Variants in EDEM1 observed in about 807,000 individuals in gnomAD.
EDEM1 encodes the protein ER degradation enhancing alpha-mannosidase like protein 1, also known as ER degradation-enhancing alpha-mannosidase-like protein 1.
Under a neutral mutation model 74.4 loss-of-function variants are expected in EDEM1, and 67 were observed. The ratio of observed to expected loss-of-function variants is 0.90; its 90% CI spans 0.74 to 1.10. The LOEUF (loss-of-function observed/expected upper bound fraction) is 1.10. EDEM1 is among the 50% of genes least tolerant of loss of function. EDEM1 has a pLI of 0.00. For synonymous variants in EDEM1, 382 were observed against 335.9 expected (o/e 1.14, Z -1.50); for missense variants, 926 against 851.6 (o/e 1.09, Z -1.09).
chr3:5,187,719 A>G lies in EDEM1; in HGVS notation c.-87A>G, dbSNP rs778758546. 4.3e-6 allele frequency: 6 copies of G among 1,397,258 alleles called. No homozygotes were observed. The Admixed American group carries it at 8.9e-5, about 21-fold the overall frequency. The allele number at this position is 1,397,258 out of a possible 1,614,324, so 86.6% of individuals were successfully genotyped here. A position where few individuals can be genotyped will look rare whatever the true frequency, so the allele number is the denominator to read the frequency against. ...GGGGGAGTTCCTTAAAGGGGAAGCGAGCCGGGCTACGGGGCGAGCGCGGGG... is the reference window on the plus strand; with the variant it reads ...GGGGGAGTTCCTTAAAGGGGAAGCGGGCCGGGCTACGGGGCGAGCGCGGGG... On this transcript the variant is annotated 5_prime_UTR_variant, in exon 1 of 12. Coordinates refer to ENST00000256497, the MANE Select transcript of EDEM1 (RefSeq NM_014674.3).
intron 11 of EDEM1, among the ~76,000 whole-genome samples, chr3:5,214,416 T>C (rs2106612244): frequency 6.6e-6 from 1 of 152,268 alleles, no homozygotes; most frequent in South Asian, 2.1e-4. Context: ...ACCATCAGTC[T>C]ATGAAGTAAA....
At position 5,208,122 on chromosome 3, in the gene EDEM1, C is replaced by G; in HGVS notation, c.1368C>G (p.Ile456Met). 1 of 1,606,014 alleles carries G rather than the reference C, an allele frequency of 6.2e-7. No individual in the cohort carries two copies. The highest frequency in any genetic ancestry group is 8.5e-7 in the Non-Finnish European group (1 of 1,177,798). The change falls in exon 8 of 12, where the codon ATC becomes ATG. Residue 456 changes from isoleucine (I) to methionine (M), a missense_variant. By Grantham distance (10) the Ile-to-Met change is conservative. Coordinates refer to ENST00000256497, the MANE Select transcript of EDEM1 (RefSeq NM_014674.3). ...TGATAGGAGATGTGGAAGATGCCAT[C>G]TGCCTTCATGCCTTCTACTATGCCA... Reference protein sequence around the residue: ...QVLIGDVEDAICLHAFYYAIW... With the variant: ...QVLIGDVEDAMCLHAFYYAIW...
chr3:5,202,518 T>C (rs2055046477), intron 4 of EDEM1, among the ~76,000 whole-genome samples: 1 of 152,222 alleles, frequency 6.6e-6, no homozygotes, highest in African/African-American at 2.4e-5. Context: ...AGAGCCTTCA[T>C]GATGAAACTG....
intron 11 of EDEM1, among the ~76,000 whole-genome samples, chr3:5,213,825 T>C (rs544870518): frequency 2.6e-5 from 4 of 152,248 alleles, no homozygotes; most frequent in African/African-American, 7.2e-5. Flanking sequence ...AGATCTGACT[T>C]TCAAGGCCTT....
At chr3:5,203,175 G>T (rs1433509719) in intron 5 of EDEM1, 26 bp downstream of exon 5, 3 of 1,519,566 alleles carry the variant, frequency 2.0e-6, no homozygotes, top group Non-Finnish European at 2.6e-6. Context: ...TCGCCATTGG[G>T]ACTGCACACT....
chr3:5,201,359 T>C (rs886213375), intron 3 of EDEM1, among the ~76,000 whole-genome samples: 2 of 152,072 alleles, frequency 1.3e-5, no homozygotes, highest in African/African-American at 4.8e-5. Flanking sequence ...CTTGCCTTGT[T>C]GCCCAGGCTA....
intron 6 of EDEM1, among the ~76,000 whole-genome samples, chr3:5,206,330 C>T (rs1157394982): frequency 1.3e-5 from 2 of 152,002 alleles, no homozygotes; most frequent in South Asian, 2.1e-4. Context: ...GCCTCAGCCT[C>T]CTGAGTAGCT....
At chr3:5,213,615 T>A (rs981917067) in intron 11 of EDEM1, 93 bp downstream of exon 11, 67 of 1,246,982 alleles carry the variant, frequency 5.4e-5, no homozygotes, top group Non-Finnish European at 6.9e-5. Context: ...AGAAAATTGA[T>A]GGTGTATGCA....
chr3:5,212,853 G>C (rs1348178367), intron 10 of EDEM1, among the ~76,000 whole-genome samples: 3 of 152,238 alleles, frequency 2.0e-5, no homozygotes, highest in African/African-American at 7.2e-5. Flanking sequence ...AATGTTGGCA[G>C]ATGTGTTGGG....
In EDEM1 at chr3:5,218,075, AAT is replaced by A. The variant is rs1460567245; in HGVS notation, c.*2159_*2160del. On this transcript the variant is annotated 3_prime_UTR_variant, in exon 12 of 12. Coordinates refer to ENST00000256497, the MANE Select transcript of EDEM1 (RefSeq NM_014674.3). ...TCCTCCTCATGCTCCTGGAATAGGG[AAT>A]AGGGATCTCATGCTTGCAAACTACA... 2 of 152,180 alleles carry A rather than the reference AAT, an allele frequency of 1.3e-5. No individual in the cohort carries two copies. The highest frequency in any genetic ancestry group is 4.8e-5 in the African/African-American group (2 of 41,404). The allele number at this position is 152,180 out of a possible 1,614,324, so 9.4% of individuals were successfully genotyped here. A position where few individuals can be genotyped will look rare whatever the true frequency, so the allele number is the denominator to read the frequency against.
At position 5,195,238 on chromosome 3, in the gene EDEM1, G is replaced by T; in HGVS notation, c.539G>T (p.Gly180Val). The T allele has an allele frequency of 6.4e-7, 1 of 1,558,608 alleles. No homozygotes were observed. The highest frequency in any genetic ancestry group is 8.7e-7 in the Non-Finnish European group (1 of 1,151,446). Reference sequence around the variant, plus strand: ...AATCTGAACATCAATGATGTACTAGGGAACTACTCATTGACTCTTGTTGAT... The same window carrying T: ...AATCTGAACATCAATGATGTACTAGTGAACTACTCATTGACTCTTGTTGAT... ...PSNLNINDVLGNYSLTLVDAL... is the reference protein window; with the variant it reads ...PSNLNINDVLVNYSLTLVDAL... The change falls in exon 2 of 12, where the codon GGG becomes GTG. Residue 180 changes from glycine to valine, a missense_variant. Coordinates refer to ENST00000256497, the MANE Select transcript of EDEM1 (RefSeq NM_014674.3).
At chr3:5,204,200 C>T (rs182515940) in intron 5 of EDEM1, among the ~76,000 whole-genome samples, 2 of 152,240 alleles carry the variant, frequency 1.3e-5, no homozygotes, top group African/African-American at 4.8e-5. Flanking sequence ...TTTCCATAGA[C>T]CCTTTCAGCC....
chr3:5,218,771 A>G lies in EDEM1; in HGVS notation c.*2853A>G, dbSNP rs2055274266. 1 of 152,206 alleles carries G rather than the reference A, an allele frequency of 6.6e-6. No individual in the cohort carries two copies. Among genetic ancestry groups the G allele is most frequent in the African/African-American group, 2.4e-5 (1 of 41,452 alleles). 9.4% of individuals were successfully genotyped at this position (152,206 alleles called of 1,614,324 possible). On this transcript the variant is annotated 3_prime_UTR_variant, in exon 12 of 12. Transcript: ENST00000256497. ...ATCCCTTCTAGAATCATAGGTGGCA[A>G]GGGAGGGTTTGCTAGCTCTCCATTT...
At chr3:5,201,192 C>G (rs1559296292) in intron 3 of EDEM1, among the ~76,000 whole-genome samples, 1 of 151,682 alleles carries the variant, frequency 6.6e-6, no homozygotes, top group Non-Finnish European at 1.5e-5. Flanking sequence ...GGGTCCTGCT[C>G]TGTTACACAG....
At chr3:5,214,178 A>G (rs1433755948) in intron 11 of EDEM1, among the ~76,000 whole-genome samples, 1 of 152,218 alleles carries the variant, frequency 6.6e-6, no homozygotes, top group African/African-American at 2.4e-5. Flanking sequence ...TTGCATCCCT[A>G]GTGAAAGTAT....
chr3:5,188,170 TC>T lies in EDEM1; in HGVS notation c.368del (p.Pro123LeufsTer51). 6.4e-7 allele frequency: 1 copy of T among 1,556,294 alleles called. No homozygotes were observed. The highest frequency in any genetic ancestry group is 8.7e-7 in the Non-Finnish European group (1 of 1,152,618). ...DEYEKRYSGA[F>X]PPQLRAQMRD... ...TACGAGAAGCGCTACAGCGGCGCCT[TC>T]CCTCCGCAGCTGCGTGCCCAGATGC... On this transcript the variant is annotated frameshift_variant, in exon 1 of 12. Coordinates refer to ENST00000256497, the MANE Select transcript of EDEM1 (RefSeq NM_014674.3). LOFTEE classifies it high-confidence loss of function.
intron 4 of EDEM1, 152 bp from the exon 5 acceptor site, chr3:5,202,814 G>C: frequency 3.4e-6 from 2 of 592,408 alleles, no homozygotes; most frequent in Non-Finnish European, 5.9e-6. Context: ...TTTAATTCCC[G>C]TATTCACCTC....
chr3:5,187,772 G>A lies in EDEM1; in HGVS notation c.-34G>A, dbSNP rs753377470. ...CGGTGGTCGGCGGGGAGGCCCCCGC[G>A]CTTTAAAATAATGCCCGCGGCGCCC... On this transcript the variant is annotated 5_prime_UTR_variant, in exon 1 of 12. Transcript: ENST00000256497. The A allele has an allele frequency of 8.6e-6, 13 of 1,515,806 alleles. No homozygotes were observed. Among genetic ancestry groups the A allele is most frequent in the Non-Finnish European group, 1.1e-5 (13 of 1,131,970 alleles). 93.9% of individuals were successfully genotyped at this position (1,515,806 alleles called of 1,614,324 possible). A position where few individuals can be genotyped will look rare whatever the true frequency, so the allele number is the denominator to read the frequency against.
intron 1 of EDEM1, among the ~76,000 whole-genome samples, chr3:5,190,569 G>C (rs1312513963): frequency 6.6e-6 from 1 of 152,198 alleles, no homozygotes; most frequent in African/African-American, 2.4e-5. Context: ...GAAGGCTGCC[G>C]ATGAGTGTTT....
Sources: gnomAD v4.1 joint callset for allele counts (sites outside exome capture counted in the v4.1 genomes callset) on GRCh38, gnomAD v4.1.1 for gene constraint, MANE v1.5 for transcripts, NCBI Gene and HGNC (gene_info 2026-07-23, HGNC 2026-07-21) for gene names.